ANO2: variants seen among roughly 807,000 people sequenced by gnomAD.
The protein encoded by ANO2 is anoctamin 2, also known as anoctamin-2.
In ANO2, 101 loss-of-function variants were observed where a neutral mutation model predicts 124.2. The observed-to-expected ratio is 0.81, with a 90% CI of 0.69 to 0.96. The LOEUF (loss-of-function observed/expected upper bound fraction) is 0.96. ANO2 is among the 40% of genes least tolerant of loss of function. ANO2 has a pLI of 0.00. For missense variants in ANO2, 1,293 were observed against 1,274.5 expected, an observed-to-expected ratio of 1.01 and a Z score of -0.22; for synonymous variants, 486 against 482.5, an observed-to-expected ratio of 1.01 and a Z score of -0.09.
At chr12:5,722,039 C>T (rs943844509) in intron 14 of ANO2, among the ~76,000 whole-genome samples, 1 of 152,192 alleles carries the variant, frequency 6.6e-6, no homozygotes, top group Non-Finnish European at 1.5e-5. Flanking sequence ...CATTCTTAAA[C>T]CTAATTACTA....
intron 13 of ANO2, chr12:5,733,324 T>C (rs1950720199): frequency 3.8e-6 from 1 of 261,878 alleles, no homozygotes; most frequent in African/African-American, 2.2e-5. Flanking sequence ...AAAGAGCACC[T>C]AACTAATCCA....
At chr12:5,563,645 C>T (rs1941580293) in intron 24 of ANO2, 77 bp from the exon 25 acceptor site, 2 of 1,561,128 alleles carry the variant, frequency 1.3e-6, no homozygotes, top group Non-Finnish European at 1.7e-6. Context: ...AGCAGAATGC[C>T]TCTGTGTCAA....
chr12:5,650,340 G>GA (rs1565522239), intron 14 of ANO2, among the ~76,000 whole-genome samples: 5 of 152,126 alleles, frequency 3.3e-5, no homozygotes, highest in Non-Finnish European at 1.5e-5. Context: ...GCAACTTAAA[G>GA]AAAAAATGCT....
chr12:5,710,914 C>G (rs1949788738), intron 14 of ANO2, among the ~76,000 whole-genome samples: 1 of 152,168 alleles, frequency 6.6e-6, no homozygotes, highest in Admixed American at 6.5e-5. Context: ...GTAATCCCAG[C>G]ACTTTGGGAG....
chr12:5,660,685 G>A (rs1383200072), intron 14 of ANO2, among the ~76,000 whole-genome samples: 1 of 152,078 alleles, frequency 6.6e-6, no homozygotes, highest in Non-Finnish European at 1.5e-5. Context: ...ATAAAAGCAA[G>A]GAACTTCAAA....
chr12:5,703,185 A>G (rs1041449873), intron 14 of ANO2, among the ~76,000 whole-genome samples: 1 of 152,242 alleles, frequency 6.6e-6, no homozygotes, highest in African/African-American at 2.4e-5. Flanking sequence ...AGGCCTACAT[A>G]TATCAAAGTG....
intron 4 of ANO2, among the ~76,000 whole-genome samples, chr12:5,853,801 C>T (rs1954997401): frequency 6.6e-6 from 1 of 152,030 alleles, no homozygotes; most frequent in African/African-American, 2.4e-5. Flanking sequence ...CAATGTGTTG[C>T]TTCTCATGGA....
intron 13 of ANO2, chr12:5,733,015 G>A: frequency 1.0e-6 from 1 of 982,204 alleles, no homozygotes; most frequent in Non-Finnish European, 1.6e-6. Flanking sequence ...ACTATCGTCA[G>A]ACCTCAAACT....
chr12:5,913,265 G>C (rs1231561895), intron 3 of ANO2, among the ~76,000 whole-genome samples: 2 of 152,200 alleles, frequency 1.3e-5, no homozygotes, highest in African/African-American at 4.8e-5. Context: ...TTCAAGACAA[G>C]TTTTATATAG....
intron 13 of ANO2, among the ~76,000 whole-genome samples, chr12:5,735,508 G>A (rs1263303349): frequency 6.6e-6 from 1 of 152,108 alleles, no homozygotes; most frequent in Non-Finnish European, 1.5e-5. Context: ...TCCTTCCCTG[G>A]AACTTTTCTC....
At chr12:5,902,551 T>C (rs572408597) in intron 3 of ANO2, among the ~76,000 whole-genome samples, 1 of 123,136 alleles carries the variant, frequency 8.1e-6, no homozygotes, top group Non-Finnish European at 1.7e-5. Flanking sequence ...ATCGCACCAC[T>C]GCACTCCAGC....
intron 3 of ANO2, among the ~76,000 whole-genome samples, chr12:5,886,849 A>G (rs1938947215): frequency 6.6e-6 from 1 of 152,218 alleles, no homozygotes; most frequent in Admixed American, 6.5e-5. Context: ...GAAAGGACAA[A>G]CATTGCATGA....
intron 4 of ANO2, among the ~76,000 whole-genome samples, chr12:5,848,370 C>A (rs1301719640): frequency 1.3e-5 from 2 of 149,316 alleles, no homozygotes; most frequent in Admixed American, 6.6e-5. Flanking sequence ...CCCCCCTCCC[C>A]AGTTACATGA....
rs187675202 is a variant in ANO2, at chr12:5,798,235, C to T, written c.1055+1272G>A. ...TGCCACATGAAAGGCAGCCAGGGGACGGGAGACAGGGTGAAGGCACCTGGT... is the reference window on the plus strand; with the variant it reads ...TGCCACATGAAAGGCAGCCAGGGGATGGGAGACAGGGTGAAGGCACCTGGT... On this transcript the variant is annotated intron_variant, in intron 10 of 24. Transcript: ENST00000682330. Among the ~76,000 whole-genome samples, 16 of 151,970 alleles carry T rather than the reference C, an allele frequency of 1.1e-4. No individual in the cohort carries two copies. In the South Asian group the frequency reaches 1.3e-3, roughly 12 times the overall value.
chr12:5,937,232 A>G (rs1293378354), intron 1 of ANO2, among the ~76,000 whole-genome samples: 1 of 152,146 alleles, frequency 6.6e-6, no homozygotes. Context: ...TTATCTCCTG[A>G]CTTTTTTATA....
At position 5,750,947 on chromosome 12, in the gene ANO2, C is replaced by A. The variant is rs199731523; in HGVS notation, c.1079G>T (p.Gly360Val). Residue 360 changes from glycine to valine, a missense_variant, in exon 11 of 25, where the codon GGA becomes GTA. Gly to Val is a moderately radical substitution (Grantham distance 109). Coordinates refer to ENST00000682330, the MANE Select transcript of ANO2 (RefSeq NM_001364791.2). ...LIRKYFGEKIGLYFAWLGLYT... is the reference protein window; with the variant it reads ...LIRKYFGEKIVLYFAWLGLYT... Reference sequence around the variant, plus strand: ...TAATCCCAGCCAGGCAAAATACAGTCCAATTTTTTCTCCAAAATACTTTCT... The same window carrying A: ...TAATCCCAGCCAGGCAAAATACAGTACAATTTTTTCTCCAAAATACTTTCT... 2.8e-4 allele frequency: 456 copies of A among 1,603,176 alleles called. No homozygotes were observed. Among genetic ancestry groups the A allele is most frequent in the Non-Finnish European group, 3.5e-4 (415 of 1,174,622 alleles).
chr12:5,795,610 T>C (rs1043079099), intron 10 of ANO2, among the ~76,000 whole-genome samples: 4 of 152,226 alleles, frequency 2.6e-5, no homozygotes, highest in African/African-American at 4.8e-5. Context: ...TGCTTTAGAA[T>C]AAACTTTTTG....
intron 7 of ANO2, among the ~76,000 whole-genome samples, chr12:5,812,358 GGAGA>G (rs1440761521): frequency 1.0e-3 from 131 of 130,926 alleles, no homozygotes; most frequent in African/African-American, 3.7e-3. Flanking sequence ...GAAGGAGGAA[GGAGA>G]GAGAAAGAAA....
intron 10 of ANO2, among the ~76,000 whole-genome samples, chr12:5,771,281 T>C (rs1298714856): frequency 2.0e-5 from 3 of 152,124 alleles, no homozygotes; most frequent in African/African-American, 2.4e-5. Context: ...CTCAGAGAGA[T>C]TGAGTAAATT....
Sources: gnomAD v4.1 joint callset for allele counts (sites outside exome capture counted in the v4.1 genomes callset) on GRCh38, gnomAD v4.1.1 for gene constraint, MANE v1.5 for transcripts, NCBI Gene and HGNC (gene_info 2026-07-23, HGNC 2026-07-21) for gene names.